The following CDH13 variants were observed in gnomAD, a reference collection of about 807,000 sequenced individuals.
CDH13 encodes the protein cadherin 13.
Under a neutral mutation model 63.8 loss-of-function variants are expected in CDH13, and 24 were observed. The observed-to-expected ratio is 0.38, with a 90% CI of 0.27 to 0.53. The LOEUF (loss-of-function observed/expected upper bound fraction) is 0.53, where lower values mean the gene tolerates loss of function less well. Ranked by LOEUF, CDH13 falls within the 20% of genes least tolerant of loss-of-function variation. CDH13 has a pLI of 0.85. For synonymous variants in CDH13, 503 were observed against 355.3 expected (o/e 1.42, Z -4.67); for missense variants, 1,049 against 903.1 (o/e 1.16, Z -2.07).
At chr16:83,669,636 C>T (rs1039979508) in intron 8 of CDH13, among the ~76,000 whole-genome samples, 7 of 152,292 alleles carry the variant, frequency 4.6e-5, no homozygotes, top group African/African-American at 1.7e-4. Context: ...AAATTAGTTG[C>T]AGTCCCCGCC....
Position 83,565,576 on chromosome 16 carries a change from C to T in CDH13, c.961-36878C>T, listed in dbSNP as rs117168286. On this transcript the variant is annotated intron_variant, in intron 7 of 13. Coordinates refer to ENST00000567109, the MANE Select transcript of CDH13 (RefSeq NM_001257.5). ...TGAGAGGAAGGACAAGGCAGTGGAA[C>T]ATCTGAGCAATGCGATCTTTATGTG... is the stretch of plus-strand genomic sequence containing the variant. Among the ~76,000 whole-genome samples the T allele has an allele frequency of 4.4e-3, 676 of 152,162 alleles. 1 individual carries two copies. The highest frequency in any genetic ancestry group is 6.8e-3 in the Non-Finnish European group (460 of 68,002).
At chr16:83,123,439 C>T (rs2035675530) in intron 3 of CDH13, among the ~76,000 whole-genome samples, 1 of 151,858 alleles carries the variant, frequency 6.6e-6, no homozygotes. Context: ...ACCACCATGC[C>T]CGGCTAATTT....
At chr16:83,077,360 T>C (rs2032925865) in intron 3 of CDH13, among the ~76,000 whole-genome samples, 1 of 151,594 alleles carries the variant, frequency 6.6e-6, no homozygotes, top group South Asian at 2.1e-4. Context: ...CCTGGCTAAT[T>C]TATTGTATTT....
At chr16:82,843,069 T>C (rs111258629) in intron 1 of CDH13, among the ~76,000 whole-genome samples, 3 of 152,326 alleles carry the variant, frequency 2.0e-5, no homozygotes, top group African/African-American at 7.2e-5. Context: ...TGGATACCCA[T>C]CCATGGCCTG....
At position 83,375,897 on chromosome 16, in the gene CDH13, G is replaced by C. The variant is rs964208557; in HGVS notation, c.781+30891G>C. Among the ~76,000 whole-genome samples the C allele has an allele frequency of 2.6e-5, 4 of 152,280 alleles. No individual in the cohort carries two copies. In the South Asian group the frequency reaches 6.2e-4, roughly 24 times the overall value. On this transcript the variant is annotated intron_variant, in intron 6 of 13. Transcript: ENST00000567109. ...GAGTAGAAAGGGCTGGAAAGGCCAT[G>C]ATACAGGTGTTGGAGAGAGGCAGAC... is the stretch of plus-strand genomic sequence containing the variant.
At chr16:83,179,095 A>G (rs1255542481) in intron 4 of CDH13, among the ~76,000 whole-genome samples, 1 of 152,222 alleles carries the variant, frequency 6.6e-6, no homozygotes, top group East Asian at 1.9e-4. Context: ...GTCTCACATC[A>G]GAGCAAATGT....
chr16:83,308,487 C>T (rs904369881), intron 5 of CDH13, among the ~76,000 whole-genome samples: 1 of 152,236 alleles, frequency 6.6e-6, no homozygotes, highest in Non-Finnish European at 1.5e-5. Flanking sequence ...TACATTTACT[C>T]TCCACACAAA....
intron 7 of CDH13, among the ~76,000 whole-genome samples, chr16:83,550,504 C>G (rs1033802739): frequency 6.6e-6 from 1 of 152,182 alleles, no homozygotes; most frequent in African/African-American, 2.4e-5. Flanking sequence ...GGTCAACTGC[C>G]AAGCAGTTAA....
At chr16:83,042,879 G>C (rs1235766577) in intron 3 of CDH13, among the ~76,000 whole-genome samples, 1 of 152,184 alleles carries the variant, frequency 6.6e-6, no homozygotes, top group African/African-American at 2.4e-5. Flanking sequence ...TGACCATAAA[G>C]AAATGATGAG....
intron 5 of CDH13, among the ~76,000 whole-genome samples, chr16:83,304,885 G>A (rs1263456076): frequency 6.6e-5 from 10 of 152,154 alleles, no homozygotes; most frequent in Admixed American, 6.5e-4. Context: ...CCGTATGTGT[G>A]TGTGTAGTGT....
chr16:83,058,302 G>A (rs2031163259), intron 3 of CDH13, among the ~76,000 whole-genome samples: 1 of 152,140 alleles, frequency 6.6e-6, no homozygotes, highest in African/African-American at 2.4e-5. Flanking sequence ...CAAATAAAGA[G>A]GCCCAGGTAG....
intron 1 of CDH13, among the ~76,000 whole-genome samples, chr16:82,744,304 G>T (rs1200230831): frequency 6.6e-6 from 1 of 152,150 alleles, no homozygotes; most frequent in East Asian, 1.9e-4. Flanking sequence ...ATCTGCCTGG[G>T]CCTCTATTTT....
intron 4 of CDH13, among the ~76,000 whole-genome samples, chr16:83,172,842 T>C (rs1487015968): frequency 1.3e-5 from 2 of 152,120 alleles, no homozygotes; most frequent in Non-Finnish European, 2.9e-5. Context: ...GTGGATCGTT[T>C]CATCAGAGGA....
intron 7 of CDH13, among the ~76,000 whole-genome samples, chr16:83,550,993 C>T (rs1200019411): frequency 1.3e-5 from 2 of 152,104 alleles, no homozygotes; most frequent in Non-Finnish European, 2.9e-5. Context: ...TTGCATCTCC[C>T]AAGTAGTCTT....
At chr16:83,273,233 A>G (rs767361459) in intron 5 of CDH13, among the ~76,000 whole-genome samples, 4 of 152,108 alleles carry the variant, frequency 2.6e-5, no homozygotes, top group Non-Finnish European at 5.9e-5. Flanking sequence ...TGTTACGTGT[A>G]TAAATTGCAT....
At chr16:82,887,602 C>T (rs2040936287) in intron 2 of CDH13, among the ~76,000 whole-genome samples, 1 of 152,128 alleles carries the variant, frequency 6.6e-6, no homozygotes. Context: ...GGGCAGATCA[C>T]GTGAGGTCAG....
rs1479706270 is a variant in CDH13, at chr16:83,658,547, CCCA to C, written c.1102-12242_1102-12240del. Among the ~76,000 whole-genome samples the C allele has an allele frequency of 7.1e-3, 1,045 of 146,596 alleles. 1 individual carries two copies. Among genetic ancestry groups the C allele is most frequent in the East Asian group, 0.012 (59 of 4,752 alleles). On this transcript the variant is annotated intron_variant, in intron 8 of 13. Transcript: ENST00000567109. ...GGTCCCGTATCCTCACCAGCAAGGT[CCCA>C]TATCCTCACCACCAGGTCCCATGTC...
At chr16:83,058,253 G>T (rs540790937) in intron 3 of CDH13, among the ~76,000 whole-genome samples, 1 of 152,238 alleles carries the variant, frequency 6.6e-6, no homozygotes, top group East Asian at 1.9e-4. Flanking sequence ...TCTCATCTTT[G>T]TTGGTTACTG....
intron 1 of CDH13, among the ~76,000 whole-genome samples, chr16:82,775,896 T>C (rs2035473674): frequency 1.3e-5 from 2 of 151,940 alleles, no homozygotes; most frequent in South Asian, 4.2e-4. Context: ...TGGATGGAAG[T>C]ATGAAAGGAG....
Sources: allele counts gnomAD v4.1 joint callset (sites outside exome capture counted in the v4.1 genomes callset), GRCh38; gene constraint gnomAD v4.1.1; transcripts MANE v1.5; gene names NCBI Gene and HGNC (gene_info 2026-07-23, HGNC 2026-07-21).